MUC7: variants seen among roughly 807,000 people sequenced by gnomAD.
MUC7 encodes the protein mucin-7.
MUC7 carries 2 observed loss-of-function variants against 2.5 expected under a neutral mutation model. The ratio of observed to expected loss-of-function variants is 0.81; its 90% CI spans 0.33 to 2.55. MUC7 has a LOEUF of 2.55. Among genes scored for constraint, MUC7 ranks in the 30% most tolerant of loss-of-function variants. The probability of loss-of-function intolerance (pLI) is 0.11; values close to 1 mark genes in which losing one functional copy is unlikely to be tolerated. For missense variants in MUC7, 408 were observed against 455.6 expected, an observed-to-expected ratio of 0.90 and a Z score of 0.95; for synonymous variants, 133 against 173.4, an observed-to-expected ratio of 0.77 and a Z score of 1.83.
At chr4:70,444,204 C>A (rs547327614) in intron 1 of MUC7, among the ~76,000 whole-genome samples, 18 of 152,324 alleles carry the variant, frequency 1.2e-4, no homozygotes, top group African/African-American at 4.3e-4. Flanking sequence ...CCTCTTGACA[C>A]CACGGTGGCC....
intron 1 of MUC7, among the ~76,000 whole-genome samples, chr4:70,443,994 G>A (rs1281646949): frequency 6.6e-6 from 1 of 152,112 alleles, no homozygotes. Flanking sequence ...ACATCTTCCA[G>A]TTTCACAGCA....
At chr4:70,465,850 C>T (rs953238755) in intron 1 of MUC7, among the ~76,000 whole-genome samples, 11 of 152,064 alleles carry the variant, frequency 7.2e-5, no homozygotes, top group African/African-American at 2.7e-4. Context: ...GAGAACTTCC[C>T]CAACCCAGCA....
At chr4:70,461,568 C>G (rs758794778) in intron 1 of MUC7, among the ~76,000 whole-genome samples, 1 of 152,128 alleles carries the variant, frequency 6.6e-6, no homozygotes, top group African/African-American at 2.4e-5. Flanking sequence ...AAGTCTAATG[C>G]CTTCTTATTC....
Position 70,447,437 on chromosome 4 carries a change from A to AT in MUC7, c.-93+16750_-93+16751insT, listed in dbSNP as rs1477543701. 2.6e-5 allele frequency among the ~76,000 whole-genome samples: 4 copies of AT among 152,298 alleles called. No homozygotes were observed. In the East Asian group the frequency reaches 7.7e-4, roughly 29 times the overall value. Reference sequence around the variant, plus strand: ...TCATATTACATACTCAGAAAAAAAAAGTCACAATGGTTTTATTCCTTCCAA... The same window carrying AT: ...TCATATTACATACTCAGAAAAAAAAATGTCACAATGGTTTTATTCCTTCCAA... On this transcript the variant is annotated intron_variant, in intron 1 of 3. Transcript: ENST00000413702.
intron 1 of MUC7, among the ~76,000 whole-genome samples, chr4:70,466,028 C>T (rs529034979): frequency 2.9e-4 from 44 of 152,134 alleles, no homozygotes; most frequent in Non-Finnish European, 5.4e-4. Flanking sequence ...AAGGGAAGCC[C>T]ATCAAACTAA....
chr4:70,450,327 C>A (rs1347112165), intron 1 of MUC7, among the ~76,000 whole-genome samples: 1 of 152,262 alleles, frequency 6.6e-6, no homozygotes, highest in South Asian at 2.1e-4. Flanking sequence ...CTGGGACTCA[C>A]CCTTCAGGAC....
intron 1 of MUC7, among the ~76,000 whole-genome samples, chr4:70,465,371 C>A (rs1734656943): frequency 6.6e-6 from 1 of 152,108 alleles, no homozygotes; most frequent in Non-Finnish European, 1.5e-5. Flanking sequence ...TCCTTGCCAG[C>A]AAGGGAACAA....
chr4:70,463,887 ACTGTTCTATG>A (rs1734617571), intron 1 of MUC7, among the ~76,000 whole-genome samples: 1 of 152,192 alleles, frequency 6.6e-6, no homozygotes, highest in Admixed American at 6.5e-5. Context: ...AACTGAGATG[ACTGTTCTATG>A]CAAGTAATGG....
rs41476648 is a variant in MUC7 at position 70,473,091 on chromosome 4, T to C, written c.-16+800T>C. ...TTAAGTCTGCACTATGTACTAGGCA[T>C]GATGACATAACAATGAATAAAGAAT... On this transcript the variant is annotated intron_variant, in intron 1 of 2. Transcript: ENST00000304887. 2.6e-3 allele frequency among the ~76,000 whole-genome samples: 399 copies of C among 152,232 alleles called. 2 individuals are homozygous for C. The highest frequency in any genetic ancestry group is 9.2e-3 in the African/African-American group (382 of 41,542).
chr4:70,431,080 G>C (rs942020709), intron 1 of MUC7, among the ~76,000 whole-genome samples: 2 of 151,796 alleles, frequency 1.3e-5, no homozygotes, highest in Non-Finnish European at 1.5e-5. Context: ...GTTATATCTA[G>C]TTTACTTACA....
chr4:70,466,486 C>T (rs1022194313), intron 1 of MUC7, among the ~76,000 whole-genome samples: 18 of 152,038 alleles, frequency 1.2e-4, no homozygotes, highest in African/African-American at 4.3e-4. Context: ...AGACTCAAGA[C>T]CCATCAGTGT....
At position 70,481,095 on chromosome 4, in the gene MUC7, A is replaced by T; in HGVS notation, c.351A>T (p.Pro117=). 1 of 1,614,120 alleles carries T rather than the reference A, an allele frequency of 6.2e-7. No homozygotes were observed. Among genetic ancestry groups the T allele is most frequent in the Non-Finnish European group, 8.5e-7 (1 of 1,180,026 alleles). Residue 117 remains proline (P), a synonymous_variant, in exon 3 of 3, where the codon CCA becomes CCT. Transcript: ENST00000304887. ...CCCAAATTCCATCTGTGACTTTCCCATCAGCTTCCACCAAAATTACTACCC... is the reference window on the plus strand; with the variant it reads ...CCCAAATTCCATCTGTGACTTTCCCTTCAGCTTCCACCAAAATTACTACCC... The part of the protein sequence containing the change: ...ATTQIPSVTF[P]SASTKITTLP...
intron 2 of MUC7, among the ~76,000 whole-genome samples, chr4:70,478,737 G>A (rs555353779): frequency 2.0e-5 from 3 of 152,304 alleles, no homozygotes; most frequent in African/African-American, 4.8e-5. Flanking sequence ...CCTTAATTAT[G>A]TGGATTGCAT....
intron 1 of MUC7, among the ~76,000 whole-genome samples, chr4:70,436,909 G>C (rs1452023465): frequency 6.6e-6 from 1 of 152,114 alleles, no homozygotes; most frequent in Non-Finnish European, 1.5e-5. Context: ...TGTTGATGTT[G>C]ATGCTATTTC....
upstream of MUC7, among the ~76,000 whole-genome samples, chr4:70,468,608 C>A (rs923574845): frequency 3.3e-5 from 5 of 152,134 alleles, no homozygotes; most frequent in Non-Finnish European, 7.3e-5. Context: ...CATTCCTATA[C>A]ACTAATAATA....
At chr4:70,458,602 C>CA (rs1261428659) in intron 1 of MUC7, among the ~76,000 whole-genome samples, 1 of 150,916 alleles carries the variant, frequency 6.6e-6, no homozygotes, top group Non-Finnish European at 1.5e-5. Flanking sequence ...AAAAAAGTAA[C>CA]AAAAAATGTA....
At position 70,481,800 on chromosome 4, in the gene MUC7, C is replaced by A; in HGVS notation, c.1056C>A (p.Gly352=). The A allele has an allele frequency of 1.2e-6, 2 of 1,614,118 alleles. No homozygotes were observed. Among genetic ancestry groups the A allele is most frequent in the Non-Finnish European group, 1.7e-6 (2 of 1,180,004 alleles). ...CTAAACAACCAACTTCAGCTCCTGGCCAAAATAAAATTTCTCGATTTCTTT... is the reference window on the plus strand; with the variant it reads ...CTAAACAACCAACTTCAGCTCCTGGACAAAATAAAATTTCTCGATTTCTTT... The part of the protein sequence containing the change: ...TTTKQPTSAP[G]QNKISRFLLY... The change falls in exon 3 of 3, where the codon GGC becomes GGA. Residue 352 remains glycine, a synonymous_variant. Coordinates refer to ENST00000304887, the MANE Select transcript of MUC7 (RefSeq NM_152291.3).
intron 2 of MUC7, among the ~76,000 whole-genome samples, chr4:70,476,377 G>A (rs1735002487): frequency 1.3e-5 from 2 of 152,126 alleles, no homozygotes; most frequent in Admixed American, 6.5e-5. Context: ...TTTTGAAGTG[G>A]CCTTTCATCA....
chr4:70,444,564 T>C (rs769567205), intron 1 of MUC7, among the ~76,000 whole-genome samples: 49 of 152,322 alleles, frequency 3.2e-4, no homozygotes, highest in Non-Finnish European at 6.0e-4. Context: ...ACTGAAATGG[T>C]CGCTTCTGAC....
Sources: gnomAD v4.1 joint callset for allele counts (sites outside exome capture counted in the v4.1 genomes callset) on GRCh38, gnomAD v4.1.1 for gene constraint, MANE v1.5 for transcripts, NCBI Gene and HGNC (gene_info 2026-07-23, HGNC 2026-07-21) for gene names.